SLC35B1: variants seen among roughly 807,000 people sequenced by gnomAD.
The protein encoded by SLC35B1 is solute carrier family 35 member B1.
SLC35B1 carries 27 observed loss-of-function variants against 36.6 expected under a neutral mutation model. The ratio of observed to expected loss-of-function variants is 0.74; its 90% CI spans 0.54 to 1.02. The LOEUF (loss-of-function observed/expected upper bound fraction) is 1.02. Among genes scored for constraint, SLC35B1 ranks in the 50% least tolerant of loss-of-function variants. The pLI is 0.00. For missense variants in SLC35B1, 321 were observed against 383.2 expected (o/e 0.84, Z 1.35); for synonymous variants, 162 against 152.5 (o/e 1.06, Z -0.46).
chr17:49,705,551 A>C, intron 4 of SLC35B1: 1 of 585,306 alleles, frequency 1.7e-6, no homozygotes, highest in South Asian at 2.1e-5. Context: ...GAAGGAAAAG[A>C]AGTTGAGATA....
At chr17:49,703,801 G>A (rs371900401) in intron 6 of SLC35B1, 40 of 397,876 alleles carry the variant, frequency 1.0e-4, no homozygotes, top group East Asian at 1.7e-4. Flanking sequence ...TGAGCACTAC[G>A]TGTGTCTCAT....
In SLC35B1 at chr17:49,702,838, G is replaced by A; in HGVS notation, c.916+20C>T. On this transcript the variant is annotated intron_variant, in intron 8 of 8. Transcript: ENST00000240333. ...GGAGAAAAAATTCAGCTGTCACTGTGTCTCTGTGTGGCCACTTACCCAGGA... is the reference window on the plus strand; with the variant it reads ...GGAGAAAAAATTCAGCTGTCACTGTATCTCTGTGTGGCCACTTACCCAGGA... 6.2e-7 allele frequency: 1 copy of A among 1,607,160 alleles called. No individual in the cohort carries two copies. Among genetic ancestry groups the A allele is most frequent in the Non-Finnish European group, 8.5e-7 (1 of 1,174,696 alleles).
At position 49,703,071 on chromosome 17, in the gene SLC35B1, T is replaced by C. The variant is rs954919507; in HGVS notation, c.763-60A>G. On this transcript the variant is annotated intron_variant, in intron 7 of 8. Coordinates refer to ENST00000240333, the MANE Select transcript of SLC35B1 (RefSeq NM_005827.4). ...CTGGGTATCTGCCATTGGTCTAAAG[T>C]CTATAAACAGACCTCAGGGCTAATC... The C allele has an allele frequency of 5.0e-6, 8 of 1,605,702 alleles. No individual in the cohort carries two copies. The African/African-American group carries it at 1.1e-4, about 22-fold the overall frequency.
Position 49,702,519 on chromosome 17 carries a change from G to A in SLC35B1, c.916+339C>T, listed in dbSNP as rs184001072. On this transcript the variant is annotated intron_variant, in intron 8 of 8. Transcript: ENST00000240333. ...GGCTGAGGCGGGGGGAATCACCTGAGGTTGGGAGTTCGAGACCAGCCTGAC... is the reference window on the plus strand; with the variant it reads ...GGCTGAGGCGGGGGGAATCACCTGAAGTTGGGAGTTCGAGACCAGCCTGAC... The A allele has an allele frequency of 5.8e-4, 112 of 193,542 alleles. 2 individuals are homozygous for A. Among genetic ancestry groups the A allele is most frequent in the Admixed American group, 5.6e-3 (105 of 18,912 alleles). The allele number at this position is 193,542 out of a possible 1,614,324, so 12.0% of individuals were successfully genotyped here. A position where few individuals can be genotyped will look rare whatever the true frequency, so the allele number is the denominator to read the frequency against.
At chr17:49,705,083 GT>G in intron 5 of SLC35B1, 40 bp downstream of exon 5, 1 of 1,608,166 alleles carries the variant, frequency 6.2e-7, no homozygotes, top group East Asian at 2.2e-5. Context: ...CTTTGGTTAA[GT>G]TTGCTGGAAA....
In SLC35B1 at chr17:49,703,436, A is replaced by G. The variant is rs539864934; in HGVS notation, c.656-142T>C. On this transcript the variant is annotated intron_variant, in intron 6 of 8. Transcript: ENST00000240333. ...AGGGAGGTGGGACGCGGGAAAGTGT[A>G]TGGTGTGGGTTTGCATCGTCTCATC... 30 of 652,702 alleles carry G rather than the reference A, an allele frequency of 4.6e-5. No homozygotes were observed. In the African/African-American group the frequency reaches 5.0e-4, roughly 11 times the overall value. The allele number at this position is 652,702 out of a possible 1,614,324, so 40.4% of individuals were successfully genotyped here. A position where few individuals can be genotyped will look rare whatever the true frequency, so the allele number is the denominator to read the frequency against.
Position 49,703,288 on chromosome 17 carries a change from A to C in SLC35B1, c.662T>G (p.Leu221Arg). 6.2e-7 allele frequency: 1 copy of C among 1,610,340 alleles called. No individual in the cohort carries two copies. Among genetic ancestry groups the C allele is most frequent in the South Asian group, 1.1e-5 (1 of 90,992 alleles). Residue 221 changes from leucine to arginine, a missense_variant, in exon 7 of 9, where the codon CTG (leucine) becomes CGG (arginine). By Grantham distance (102) the Leu-to-Arg change is moderately radical (BLOSUM62 -2). Coordinates refer to ENST00000240333, the MANE Select transcript of SLC35B1 (RefSeq NM_005827.4). ...WSTLLLGMGI[L>R]FTGELWEFLS... ...GAACTCCCAGAGCTCCCCAGTGAAC[A>C]GGATTCCTGAGAAGACATGTCAACA...
At chr17:49,705,581 T>C (rs2073405646) in intron 4 of SLC35B1, 1 of 584,468 alleles carries the variant, frequency 1.7e-6, no homozygotes, top group African/African-American at 1.9e-5. Context: ...ATGATCAAAA[T>C]GGGAATTAAG....
intron 6 of SLC35B1, chr17:49,703,554 G>C (rs1397753226): frequency 2.4e-6 from 1 of 416,376 alleles, no homozygotes; most frequent in Non-Finnish European, 4.5e-6. Flanking sequence ...CTACCAAAGT[G>C]ATTACAAGCA....
At position 49,706,330 on chromosome 17, in the gene SLC35B1, G is replaced by C; in HGVS notation, c.213C>G (p.Ile71Met). Residue 71 changes from isoleucine (I) to methionine (M), a missense_variant, in exon 3 of 9, where the codon ATC (isoleucine) becomes ATG (methionine). Ile to Met is a conservative substitution (Grantham distance 10). Coordinates refer to ENST00000240333, the MANE Select transcript of SLC35B1 (RefSeq NM_005827.4). ...VINAVFAKIL[I>M]QFFDTARVDR... is the part of the protein sequence containing the mutation. ...CCACCCTGGCAGTGTCAAAAAACTGGATCACTGGGAGAAGACAAAAAAAAA... is the reference window on the plus strand; with the variant it reads ...CCACCCTGGCAGTGTCAAAAAACTGCATCACTGGGAGAAGACAAAAAAAAA... 1 of 906,210 alleles carries C rather than the reference G, an allele frequency of 1.1e-6. No homozygotes were observed. 56.1% of individuals were successfully genotyped at this position (906,210 alleles called of 1,614,324 possible).
In SLC35B1 at chr17:49,706,346, C is replaced by CAAAAAAAAA. The variant is rs61136804; in HGVS notation, c.209-21_209-13dup. 9.4e-4 allele frequency: 693 copies of CAAAAAAAAA among 733,496 alleles called. No individual in the cohort carries two copies. The highest frequency in any genetic ancestry group is 4.5e-3 in the Admixed American group (47 of 10,490). The allele number at this position is 733,496 out of a possible 1,614,324, so 45.4% of individuals were successfully genotyped here. On this transcript the variant is annotated splice_polypyrimidine_tract_variant and intron_variant, in intron 2 of 8. Coordinates refer to ENST00000240333, the MANE Select transcript of SLC35B1 (RefSeq NM_005827.4). ...AAAAAACTGGATCACTGGGAGAAGA[C>CAAAAAAAAA]AAAAAAAAAAAAAAAAAAAGAAAAG...
rs1477115864 is a variant in SLC35B1 at position 49,704,191 on chromosome 17, A to G, written c.564T>C (p.Val188=). 1 of 1,614,022 alleles carries G rather than the reference A, an allele frequency of 6.2e-7. No homozygotes were observed. The highest frequency in any genetic ancestry group is 8.5e-7 in the Non-Finnish European group (1 of 1,180,002). Residue 188 remains valine (V), a synonymous_variant, in exon 6 of 9, where the codon GTT becomes GTC. Coordinates refer to ENST00000240333, the MANE Select transcript of SLC35B1 (RefSeq NM_005827.4). ...LSLTLDGLTG[V]SQDHMRAHYQ... is the part of the protein sequence containing the mutation. ...AATGAGCCCGCATGTGGTCCTGGGAAACACCAGTCAGTCCATCCAGGGTCA... is the reference window on the plus strand; with the variant it reads ...AATGAGCCCGCATGTGGTCCTGGGAGACACCAGTCAGTCCATCCAGGGTCA...
At chr17:49,707,141 GC>G in intron 1 of SLC35B1, 73 bp from the exon 2 acceptor site, 1 of 1,433,830 alleles carries the variant, frequency 7.0e-7, no homozygotes, top group South Asian at 1.2e-5. Flanking sequence ...TATATCCCGA[GC>G]CACTGAAAAC....
In SLC35B1 at chr17:49,702,811, T is replaced by G. The variant is rs765396135; in HGVS notation, c.916+47A>C. 5.2e-6 allele frequency: 8 copies of G among 1,549,844 alleles called. No homozygotes were observed. In the South Asian group the frequency reaches 9.6e-5, roughly 19 times the overall value. Reference sequence around the variant, plus strand: ...ATTTCATAAATATACAAGTAAATTTTAGGAGAAAAAATTCAGCTGTCACTG... The same window carrying G: ...ATTTCATAAATATACAAGTAAATTTGAGGAGAAAAAATTCAGCTGTCACTG... On this transcript the variant is annotated intron_variant, in intron 8 of 8. Transcript: ENST00000240333.
At chr17:49,706,166 A>G in intron 3 of SLC35B1, 38 bp downstream of exon 3, 3 of 1,546,976 alleles carry the variant, frequency 1.9e-6, no homozygotes, top group South Asian at 1.2e-5. Flanking sequence ...TTTTCAAATG[A>G]TATCTGAGCC....
At chr17:49,702,688 G>A (rs898996070) in intron 8 of SLC35B1, 170 bp downstream of exon 8, 2 of 647,288 alleles carry the variant, frequency 3.1e-6, no homozygotes, top group Non-Finnish European at 2.6e-6. Flanking sequence ...CGATTGGTGA[G>A]CTGAGATCGT....
intron 6 of SLC35B1, 155 bp downstream of exon 6, chr17:49,703,945 T>C: frequency 1.1e-6 from 1 of 878,010 alleles, no homozygotes; most frequent in Non-Finnish European, 1.8e-6. Context: ...TGGTGCAGGT[T>C]TTTCCAGGAA....
intron 8 of SLC35B1, chr17:49,702,029 G>T (rs531534081): frequency 3.3e-4 from 82 of 247,722 alleles, no homozygotes; most frequent in South Asian, 2.8e-3. Context: ...GGAGATCAAG[G>T]TTGCAGTGGA....
Position 49,704,201 on chromosome 17 carries a change from A to T in SLC35B1, c.554T>A (p.Leu185Gln). 6.2e-7 allele frequency: 1 copy of T among 1,613,958 alleles called. No individual in the cohort carries two copies. Among genetic ancestry groups the T allele is most frequent in the South Asian group, 1.1e-5 (1 of 91,082 alleles). ...CATGTGGTCCTGGGAAACACCAGTC[A>T]GTCCATCCAGGGTCAGCGATAATAG... The part of the protein sequence containing the change: ...LLLLSLTLDG[L>Q]TGVSQDHMRA... The change falls in exon 6 of 9, where the codon CTG becomes CAG. Residue 185 changes from leucine to glutamine, a missense_variant. Coordinates refer to ENST00000240333, the MANE Select transcript of SLC35B1 (RefSeq NM_005827.4).
Sources: gnomAD v4.1 joint callset for allele counts on GRCh38, gnomAD v4.1.1 for gene constraint, MANE v1.5 for transcripts, NCBI Gene and HGNC (gene_info 2026-07-23, HGNC 2026-07-21) for gene names.